HPSE2: variants seen among roughly 807,000 people sequenced by gnomAD.
The protein encoded by HPSE2 is inactive heparanase-2.
Under a neutral mutation model 60.5 loss-of-function variants are expected in HPSE2, and 38 were observed. That is an observed-to-expected ratio of 0.63 (90% confidence interval 0.48 to 0.82). The LOEUF (loss-of-function observed/expected upper bound fraction) is 0.82. Among genes scored for constraint, HPSE2 ranks in the 40% least tolerant of loss-of-function variants. The pLI, the probability that HPSE2 is intolerant of heterozygous loss-of-function variation, is 0.00. For synonymous variants in HPSE2, 295 were observed against 293.2 expected (o/e 1.01, Z -0.06); for missense variants, 713 against 740.4 (o/e 0.96, Z 0.43).
chr10:98,729,623 TA>T (rs1468256596), intron 4 of HPSE2, among the ~76,000 whole-genome samples: 2 of 151,532 alleles, frequency 1.3e-5, no homozygotes, highest in Non-Finnish European at 2.9e-5. Context: ...AATAAATAAA[TA>T]AATAAATTAA....
intron 9 of HPSE2, among the ~76,000 whole-genome samples, chr10:98,545,196 T>C (rs529201202): frequency 8.2e-4 from 124 of 152,004 alleles, no homozygotes; most frequent in African/African-American, 2.5e-3. Context: ...CAGGACCAGA[T>C]GGATTCACAG....
At chr10:99,236,990 C>T (rs1008148008), upstream of HPSE2, among the ~76,000 whole-genome samples, 1 of 152,102 alleles carries the variant, frequency 6.6e-6, no homozygotes, top group Admixed American at 6.6e-5. Flanking sequence ...GTTTCCATCT[C>T]GGCCCCCAGT....
intron 5 of HPSE2, 82 bp from the exon 6 acceptor site, chr10:98,694,029 G>T: frequency 9.2e-7 from 1 of 1,092,594 alleles, no homozygotes; most frequent in South Asian, 1.2e-5. Context: ...AACTGAGACA[G>T]ATTAGACCAA....
At chr10:98,910,455 G>A (rs1438854992) in intron 3 of HPSE2, among the ~76,000 whole-genome samples, 1 of 152,168 alleles carries the variant, frequency 6.6e-6, no homozygotes, top group Non-Finnish European at 1.5e-5. Flanking sequence ...TCCATTTCTT[G>A]ATGGTTACAT....
the HPSE2 span, among the ~76,000 whole-genome samples, chr10:99,308,839 A>G: frequency 6.6e-6 from 1 of 152,200 alleles, no homozygotes; most frequent in South Asian, 2.1e-4. Flanking sequence ...CCAAAGATTC[A>G]TTTGATGAAT....
chr10:98,628,932 A>G (rs1034276125), intron 7 of HPSE2, among the ~76,000 whole-genome samples: 11 of 152,230 alleles, frequency 7.2e-5, no homozygotes, highest in African/African-American at 2.6e-4. Flanking sequence ...AAAAAACAGT[A>G]AAAATAAGAA....
Position 98,868,219 on chromosome 10 carries a change from T to C in HPSE2, c.611-124163A>G, listed in dbSNP as rs1294485764. Among the ~76,000 whole-genome samples the C allele has an allele frequency of 5.9e-5, 9 of 152,012 alleles. No homozygotes were observed. The South Asian group carries it at 1.2e-3, about 21-fold the overall frequency. On this transcript the variant is annotated intron_variant, in intron 3 of 11. Transcript: ENST00000370552. ...ACATGGATGAAACTGGAGGTTATTA[T>C]GTTAAATGAAATAAGCCAGACACAG...
chr10:98,585,314 T>C (rs1408568208), intron 9 of HPSE2, among the ~76,000 whole-genome samples: 1 of 148,910 alleles, frequency 6.7e-6, no homozygotes, highest in Non-Finnish European at 1.5e-5. Context: ...CTCTATCACC[T>C]AGGCTGGAGT....
intron 6 of HPSE2, among the ~76,000 whole-genome samples, chr10:98,647,143 C>A (rs1337190097): frequency 2.0e-5 from 3 of 152,166 alleles, no homozygotes; most frequent in Non-Finnish European, 2.9e-5. Context: ...AGGTCCTCTG[C>A]CAGGAGCAGA....
At chr10:99,246,126 C>T in the HPSE2 span, among the ~76,000 whole-genome samples, 5 of 152,082 alleles carry the variant, frequency 3.3e-5, no homozygotes, top group Non-Finnish European at 5.9e-5. Flanking sequence ...AGAGTTGATG[C>T]CTATAAGATA....
intron 6 of HPSE2, among the ~76,000 whole-genome samples, chr10:98,677,853 T>C (rs1262623693): frequency 1.3e-5 from 2 of 152,238 alleles, no homozygotes; most frequent in African/African-American, 4.8e-5. Flanking sequence ...GTCATTCTAA[T>C]GTCCCATTAC....
intron 3 of HPSE2, among the ~76,000 whole-genome samples, chr10:99,128,646 C>T (rs1385940210): frequency 1.3e-5 from 2 of 151,962 alleles, no homozygotes; most frequent in South Asian, 2.1e-4. Context: ...ACACCTGGAA[C>T]AGGGAGGGAA....
At chr10:99,236,760 C>A (rs1849867750), upstream of HPSE2, among the ~76,000 whole-genome samples, 1 of 152,150 alleles carries the variant, frequency 6.6e-6, no homozygotes, top group African/African-American at 2.4e-5. Context: ...GTCTTGGGAG[C>A]GTCAATACAT....
At position 99,195,405 on chromosome 10, in the gene HPSE2, A is replaced by G. The variant is rs11498745; in HGVS notation, c.448+36943T>C. On this transcript the variant is annotated intron_variant, in intron 2 of 11. Transcript: ENST00000370552. Reference sequence around the variant, plus strand: ...AAAAACAAAGGGCCTCAAAATTTGGAAAAAAAAATCAAATTATCCTTGTTT... The same window carrying G: ...AAAAACAAAGGGCCTCAAAATTTGGGAAAAAAAATCAAATTATCCTTGTTT... 1.8e-3 allele frequency among the ~76,000 whole-genome samples: 271 copies of G among 147,234 alleles called. 1 individual carries two copies. The highest frequency in any genetic ancestry group is 6.7e-3 in the African/African-American group (251 of 37,214).
intron 3 of HPSE2, among the ~76,000 whole-genome samples, chr10:98,893,809 A>G (rs1165549138): frequency 2.6e-5 from 4 of 152,110 alleles, no homozygotes; most frequent in South Asian, 2.1e-4. Flanking sequence ...GACTGAAGAC[A>G]AAGTCTAGAG....
chr10:99,063,945 T>C (rs1475630982), intron 3 of HPSE2, among the ~76,000 whole-genome samples: 1 of 151,924 alleles, frequency 6.6e-6, no homozygotes, highest in African/African-American at 2.4e-5. Context: ...ATACAAAAAT[T>C]ATCTGGGCAT....
chr10:98,791,518 T>C (rs1950654324), intron 3 of HPSE2, among the ~76,000 whole-genome samples: 1 of 152,168 alleles, frequency 6.6e-6, no homozygotes, highest in Non-Finnish European at 1.5e-5. Flanking sequence ...AGGAACTATT[T>C]TCCAAATAAG....
At chr10:98,998,550 G>A (rs896187119) in intron 3 of HPSE2, among the ~76,000 whole-genome samples, 1 of 152,146 alleles carries the variant, frequency 6.6e-6, no homozygotes, top group Non-Finnish European at 1.5e-5. Context: ...CCCTGGAAAC[G>A]TAGGTTCTCC....
chr10:99,183,781 G>A (rs1213377913), intron 2 of HPSE2, among the ~76,000 whole-genome samples: 7 of 152,144 alleles, frequency 4.6e-5, no homozygotes, highest in Admixed American at 1.3e-4. Context: ...GAAGAAGTAA[G>A]TGAAGCAATC....
Sources: allele counts gnomAD v4.1 joint callset (sites outside exome capture counted in the v4.1 genomes callset), GRCh38; gene constraint gnomAD v4.1.1; transcripts MANE v1.5; gene names NCBI Gene and HGNC (gene_info 2026-07-23, HGNC 2026-07-21).